GNA14: variants seen among roughly 807,000 people sequenced by gnomAD.
GNA14 encodes guanine nucleotide-binding protein subunit alpha-14.
Under a neutral mutation model 42.0 loss-of-function variants are expected in GNA14, and 50 were observed. The ratio of observed to expected loss-of-function variants is 1.19; its 90% CI spans 0.95 to 1.51. GNA14 has a LOEUF of 1.51. Ranked by LOEUF, GNA14 falls within the 40% of genes most tolerant of loss-of-function variation. The pLI is 0.00. For synonymous variants in GNA14, 173 were observed against 163.1 expected (o/e 1.06, Z -0.46); for missense variants, 473 against 446.2 (o/e 1.06, Z -0.54).
intron 1 of GNA14, among the ~76,000 whole-genome samples, chr9:77,609,667 T>C (rs566350425): frequency 6.6e-6 from 1 of 152,338 alleles, no homozygotes; most frequent in East Asian, 1.9e-4. Context: ...GTTGATTTGA[T>C]TCCTGGGGAG....
intron 2 of GNA14, among the ~76,000 whole-genome samples, chr9:77,514,551 C>T (rs576116197): frequency 6.6e-6 from 1 of 151,678 alleles, no homozygotes; most frequent in African/African-American, 2.4e-5. Context: ...GAGTATCTAA[C>T]CCAAGGGTGG....
At chr9:77,444,018 G>C (rs757873560) in intron 2 of GNA14, among the ~76,000 whole-genome samples, 10 of 152,190 alleles carry the variant, frequency 6.6e-5, no homozygotes, top group South Asian at 6.2e-4. Flanking sequence ...CACTAAAAAG[G>C]CTCTTTCCAA....
chr9:77,514,666 T>C (rs1837221153), intron 2 of GNA14, among the ~76,000 whole-genome samples: 1 of 148,434 alleles, frequency 6.7e-6, no homozygotes, highest in Non-Finnish European at 1.5e-5. Context: ...CAGGCTAGAG[T>C]GCAGTGGTGC....
intron 1 of GNA14, among the ~76,000 whole-genome samples, chr9:77,545,721 T>C (rs543681195): frequency 1.3e-5 from 2 of 151,958 alleles, no homozygotes; most frequent in Non-Finnish European, 2.9e-5. Flanking sequence ...TGTTCCGCAT[T>C]ACTTTTCCCA....
chr9:77,471,800 T>C (rs561254219), intron 2 of GNA14, among the ~76,000 whole-genome samples: 245 of 152,244 alleles, frequency 1.6e-3, no homozygotes, highest in African/African-American at 4.0e-3. Flanking sequence ...ACCTGGTGTT[T>C]AAGGACTTAT....
Position 77,529,178 on chromosome 9 carries a change from T to A in GNA14, c.200A>T (p.Asp67Val). 6.2e-7 allele frequency: 1 copy of A among 1,614,084 alleles called. No individual in the cohort carries two copies. The highest frequency in any genetic ancestry group is 8.5e-7 in the Non-Finnish European group (1 of 1,179,934). ...AACCAGCTTCGTGAACCCCTTTCTG[T>A]CTTCGTCGCTGTAACCAGACCCATG... Reference protein sequence around the residue: ...IIHGSGYSDEDRKGFTKLVYQ... With the variant: ...IIHGSGYSDEVRKGFTKLVYQ... The change falls in exon 2 of 7, where the codon GAC becomes GTC. Residue 67 changes from aspartate (D) to valine (V), a missense_variant. Asp to Val is a radical substitution (Grantham distance 152). Coordinates refer to ENST00000341700, the MANE Select transcript of GNA14 (RefSeq NM_004297.4).
intron 2 of GNA14, among the ~76,000 whole-genome samples, chr9:77,460,261 G>A (rs1476267432): frequency 6.6e-6 from 1 of 152,200 alleles, no homozygotes; most frequent in Non-Finnish European, 1.5e-5. Flanking sequence ...GAGGACAGAG[G>A]GAGACACAGG....
chr9:77,425,687 A>C lies in GNA14; in HGVS notation c.752T>G (p.Phe251Cys), dbSNP rs1169859596. Residue 251 changes from phenylalanine to cysteine, a missense_variant, in exon 6 of 7, where the codon TTT becomes TGT. By Grantham distance (205) the Phe-to-Cys change is radical (BLOSUM62 -2). Transcript: ENST00000341700. ...CCAGGGGTAGGTGATGATGGTTTTA[A>C]ATAAGGCTTTGCTCTCTTCCATGCG... ...ENRMEESKAL[F>C]KTIITYPWFL... 1 of 1,611,022 alleles carries C rather than the reference A, an allele frequency of 6.2e-7. No homozygotes were observed. Among genetic ancestry groups the C allele is most frequent in the South Asian group, 1.1e-5 (1 of 90,828 alleles).
chr9:77,634,453 G>T (rs1824148693), intron 1 of GNA14, among the ~76,000 whole-genome samples: 1 of 146,446 alleles, frequency 6.8e-6, no homozygotes, highest in Admixed American at 6.9e-5. Context: ...GGAAGCGAAA[G>T]GAAAGGAAAG....
chr9:77,642,345 C>A (rs1824280598), intron 1 of GNA14, among the ~76,000 whole-genome samples: 2 of 152,066 alleles, frequency 1.3e-5, no homozygotes, highest in African/African-American at 2.4e-5. Flanking sequence ...TTGCTCCAGC[C>A]AGGATGAACA....
intron 2 of GNA14, among the ~76,000 whole-genome samples, chr9:77,513,500 T>G (rs1178053733): frequency 6.6e-6 from 1 of 152,216 alleles, no homozygotes; most frequent in Non-Finnish European, 1.5e-5. Flanking sequence ...TCACACTCAT[T>G]TTAGCGCCCA....
At chr9:77,569,696 C>T (rs967384114) in intron 1 of GNA14, among the ~76,000 whole-genome samples, 7 of 152,044 alleles carry the variant, frequency 4.6e-5, no homozygotes, top group Admixed American at 4.6e-4. Flanking sequence ...TGTGTCTGCC[C>T]CTGTAAAGTG....
intron 1 of GNA14, among the ~76,000 whole-genome samples, chr9:77,617,400 C>T (rs1004652854): frequency 6.6e-6 from 1 of 152,048 alleles, no homozygotes; most frequent in Non-Finnish European, 1.5e-5. Flanking sequence ...CTTGCATACT[C>T]CTGGGCCATC....
At chr9:77,446,535 A>T (rs1399952987) in intron 2 of GNA14, among the ~76,000 whole-genome samples, 1 of 152,164 alleles carries the variant, frequency 6.6e-6, no homozygotes, top group African/African-American at 2.4e-5. Flanking sequence ...AGGCTGAAGC[A>T]ATGCATGCCA....
chr9:77,579,660 C>T (rs944654889), intron 1 of GNA14, among the ~76,000 whole-genome samples: 1 of 152,130 alleles, frequency 6.6e-6, no homozygotes, highest in Non-Finnish European at 1.5e-5. Context: ...ACATTTCCCC[C>T]CATATAGACA....
rs530595511 is a variant in GNA14 at position 77,595,693 on chromosome 9, A to G, written c.124+51977T>C. Among the ~76,000 whole-genome samples, 153 of 152,264 alleles carry G rather than the reference A, an allele frequency of 1.0e-3. 1 individual carries two copies. The highest frequency in any genetic ancestry group is 1.5e-3 in the Non-Finnish European group (101 of 68,022). ...CTGCTACTCTCAACTAACCCACGCTATCACTTGACAGGCATGTGAATAGGA... is the reference window on the plus strand; with the variant it reads ...CTGCTACTCTCAACTAACCCACGCTGTCACTTGACAGGCATGTGAATAGGA... On this transcript the variant is annotated intron_variant, in intron 1 of 6. Coordinates refer to ENST00000341700, the MANE Select transcript of GNA14 (RefSeq NM_004297.4).
chr9:77,518,390 C>T (rs969176033), intron 2 of GNA14, among the ~76,000 whole-genome samples: 1 of 151,986 alleles, frequency 6.6e-6, no homozygotes, highest in South Asian at 2.1e-4. Context: ...GATAAAACCC[C>T]AAAGCAAAGG....
intron 2 of GNA14, among the ~76,000 whole-genome samples, chr9:77,495,628 T>C (rs747985626): frequency 1.3e-5 from 2 of 152,180 alleles, no homozygotes; most frequent in Admixed American, 1.3e-4. Context: ...AATTGAGTGA[T>C]AGGTACAAAG....
intron 2 of GNA14, among the ~76,000 whole-genome samples, chr9:77,464,792 G>A (rs140906264): frequency 1.3e-5 from 2 of 152,308 alleles, no homozygotes; most frequent in East Asian, 3.9e-4. Flanking sequence ...TTTGGAAATA[G>A]GATCTTTTCA....
Sources: allele counts gnomAD v4.1 joint callset (sites outside exome capture counted in the v4.1 genomes callset), GRCh38; gene constraint gnomAD v4.1.1; transcripts MANE v1.5; gene names NCBI Gene and HGNC (gene_info 2026-07-23, HGNC 2026-07-21).